The following PSD3 variants were observed in gnomAD, a reference collection of about 807,000 sequenced individuals.
PSD3 encodes the protein pleckstrin and Sec7 domain containing 3.
In PSD3, 49 loss-of-function variants were observed where a neutral mutation model predicts 105.5. The observed-to-expected ratio is 0.46, with a 90% CI of 0.37 to 0.59. PSD3 has a LOEUF of 0.59. PSD3 is among the 20% of genes least tolerant of loss of function. The pLI, the probability that PSD3 is intolerant of heterozygous loss-of-function variation, is 0.00. For missense variants in PSD3, 1,561 were observed against 1,263.8 expected (o/e 1.24, Z -3.57); for synonymous variants, 557 against 457.8 (o/e 1.22, Z -2.77).
chr8:19,047,235 G>T (rs932832637), intron 1 of PSD3, among the ~76,000 whole-genome samples: 3 of 152,168 alleles, frequency 2.0e-5, no homozygotes, highest in Admixed American at 2.0e-4. Context: ...AAGCCTGGAG[G>T]TCCCTCTCTA....
At chr8:18,576,202 T>C (rs760967582) in intron 12 of PSD3, among the ~76,000 whole-genome samples, 1 of 152,190 alleles carries the variant, frequency 6.6e-6, no homozygotes, top group African/African-American at 2.4e-5. Flanking sequence ...ACTATTGCCA[T>C]CAATTCAAAT....
rs185925003 is a variant in PSD3, at chr8:18,744,758, C to T, written c.2172+20691G>A. Among the ~76,000 whole-genome samples, 366 of 152,248 alleles carry T rather than the reference C, an allele frequency of 2.4e-3. 11 individuals are homozygous for T. The highest frequency in any genetic ancestry group is 0.022 in the Admixed American group (330 of 15,300). On this transcript the variant is annotated intron_variant, in intron 9 of 15. Transcript: ENST00000327040. Reference sequence around the variant, plus strand: ...TTGGTATAGTATTAACTGAACTATACACCTTATTCAAATTTCACCAGTTTC... The same window carrying T: ...TTGGTATAGTATTAACTGAACTATATACCTTATTCAAATTTCACCAGTTTC...
chr8:18,759,565 G>A (rs1806341605), intron 9 of PSD3, among the ~76,000 whole-genome samples: 1 of 151,996 alleles, frequency 6.6e-6, no homozygotes, highest in Admixed American at 6.6e-5. Context: ...GAATTTAACT[G>A]CTGCTCAAAA....
intron 4 of PSD3, among the ~76,000 whole-genome samples, chr8:18,843,204 C>CA (rs1168115773): frequency 6.6e-6 from 1 of 151,384 alleles, no homozygotes; most frequent in Admixed American, 6.6e-5. Flanking sequence ...ACTAAAAATA[C>CA]AAAAAAATTA....
chr8:18,585,664 G>C (rs544990541), intron 12 of PSD3, among the ~76,000 whole-genome samples: 1 of 151,984 alleles, frequency 6.6e-6, no homozygotes, highest in Non-Finnish European at 1.5e-5. Context: ...ATCAAGAAAG[G>C]ACTAAAAGAA....
chr8:18,591,781 C>T (rs1406114694), intron 12 of PSD3, among the ~76,000 whole-genome samples: 1 of 152,148 alleles, frequency 6.6e-6, no homozygotes, highest in East Asian at 1.9e-4. Context: ...ATGGCATACA[C>T]TTGGTGGCTG....
chr8:18,539,414 T>C (rs1261693808), intron 15 of PSD3, among the ~76,000 whole-genome samples: 3 of 152,240 alleles, frequency 2.0e-5, no homozygotes, highest in Non-Finnish European at 2.9e-5. Flanking sequence ...GGAGACTTTA[T>C]TTCCTTTCTT....
At chr8:18,955,392 C>T (rs1391727897) in intron 1 of PSD3, among the ~76,000 whole-genome samples, 1 of 152,204 alleles carries the variant, frequency 6.6e-6, no homozygotes, top group African/African-American at 2.4e-5. Context: ...AGGCACACCA[C>T]AGGGCCTGTC....
At chr8:18,911,389 A>T (rs1820211522) in intron 2 of PSD3, among the ~76,000 whole-genome samples, 1 of 152,176 alleles carries the variant, frequency 6.6e-6, no homozygotes, top group Admixed American at 6.5e-5. Flanking sequence ...AATTTCCTGT[A>T]AGGCTGCAGG....
At chr8:18,866,846 G>C (rs184615459) in intron 4 of PSD3, among the ~76,000 whole-genome samples, 1 of 147,910 alleles carries the variant, frequency 6.8e-6, no homozygotes, top group East Asian at 2.0e-4. Context: ...TAAAATAGTT[G>C]ATCACCATTT....
intron 9 of PSD3, among the ~76,000 whole-genome samples, chr8:18,706,210 T>C (rs1053860997): frequency 2.0e-5 from 3 of 152,274 alleles, no homozygotes; most frequent in Admixed American, 6.5e-5. Context: ...AAAAAGTAAT[T>C]GAAAAGGGAA....
At chr8:18,778,503 G>C (rs1808303417) in intron 8 of PSD3, among the ~76,000 whole-genome samples, 2 of 152,068 alleles carry the variant, frequency 1.3e-5, no homozygotes, top group Admixed American at 1.3e-4. Context: ...TTGAATATGA[G>C]TGGTGAAGGT....
At chr8:18,799,675 C>G (rs1563283228) in intron 7 of PSD3, among the ~76,000 whole-genome samples, 1 of 152,106 alleles carries the variant, frequency 6.6e-6, no homozygotes, top group African/African-American at 2.4e-5. Context: ...AATTAGTGAT[C>G]TATACATAGT....
At chr8:19,064,788 C>T (rs999125830) in intron 1 of PSD3, among the ~76,000 whole-genome samples, 2 of 151,690 alleles carry the variant, frequency 1.3e-5, no homozygotes, top group Non-Finnish European at 2.9e-5. Context: ...TTATTTGGTC[C>T]AAACATGAAA....
chr8:18,578,428 G>C (rs556566612), intron 12 of PSD3, among the ~76,000 whole-genome samples: 3 of 152,150 alleles, frequency 2.0e-5, no homozygotes, highest in South Asian at 2.1e-4. Context: ...TTCTTCCTCA[G>C]CTTTTTGTTA....
At chr8:19,018,833 G>A (rs1003752413) in intron 1 of PSD3, among the ~76,000 whole-genome samples, 8 of 152,180 alleles carry the variant, frequency 5.3e-5, no homozygotes, top group African/African-American at 1.9e-4. Flanking sequence ...GTCTTGCTCT[G>A]TCGCCCAGTC....
intron 8 of PSD3, among the ~76,000 whole-genome samples, chr8:18,778,354 A>G (rs1585948408): frequency 6.6e-6 from 1 of 152,316 alleles, no homozygotes; most frequent in South Asian, 2.1e-4. Context: ...TATCAGATCT[A>G]AGAGTTTCAG....
At chr8:18,911,777 T>TAC (rs989912285) in intron 2 of PSD3, among the ~76,000 whole-genome samples, 22 of 151,814 alleles carry the variant, frequency 1.4e-4, no homozygotes, top group African/African-American at 4.8e-4. Flanking sequence ...CACCTACAGA[T>TAC]ACACACACAC....
intron 2 of PSD3, among the ~76,000 whole-genome samples, chr8:18,875,425 T>C (rs779687562): frequency 2.0e-5 from 3 of 151,220 alleles, no homozygotes; most frequent in Non-Finnish European, 4.4e-5. Flanking sequence ...TATTGATATT[T>C]TATGTCTTTC....
Sources: gnomAD v4.1 joint callset for allele counts (sites outside exome capture counted in the v4.1 genomes callset) on GRCh38, gnomAD v4.1.1 for gene constraint, MANE v1.5 for transcripts, NCBI Gene and HGNC (gene_info 2026-07-23, HGNC 2026-07-21) for gene names.